The following LACTB variants were observed in gnomAD, a reference collection of about 807,000 sequenced individuals.
LACTB encodes serine beta-lactamase-like protein LACTB, mitochondrial.
In LACTB, 35 loss-of-function variants were observed where a neutral mutation model predicts 50.2. That is an observed-to-expected ratio of 0.70 (90% confidence interval 0.53 to 0.92). LACTB has a LOEUF of 0.92. Among genes scored for constraint, LACTB ranks in the 40% least tolerant of loss-of-function variants. The pLI, the probability that LACTB is intolerant of heterozygous loss-of-function variation, is 0.00. For synonymous variants in LACTB, 252 were observed against 268.2 expected, an observed-to-expected ratio of 0.94 and a Z score of 0.59; for missense variants, 664 against 691.8, an observed-to-expected ratio of 0.96 and a Z score of 0.45.
In LACTB at chr15:63,139,868, C is replaced by T. The variant is rs573611130; in HGVS notation, c.1119-1412C>T. Among the ~76,000 whole-genome samples, 28 of 150,438 alleles carry T rather than the reference C, an allele frequency of 1.9e-4. 1 individual carries two copies. Among genetic ancestry groups the T allele is most frequent in the African/African-American group, 5.9e-4 (24 of 40,804 alleles). ...ATCCCAGCACTTTGGGAGGCAGAGGCGAGTGGATTGCTTGAGGCCAGGAGT... is the reference window on the plus strand; with the variant it reads ...ATCCCAGCACTTTGGGAGGCAGAGGTGAGTGGATTGCTTGAGGCCAGGAGT... On this transcript the variant is annotated intron_variant, in intron 5 of 5. Transcript: ENST00000261893.
In LACTB at chr15:63,141,385, G is replaced by A. The variant is rs146169470; in HGVS notation, c.1224G>A (p.Leu408=). The stretch of plus-strand genomic sequence containing the variant: ...TTCTGTCTACAGTGGGTGACCTTCT[G>A]AAATTTGGGAATGCAATGCTTTATG... ...GGFLSTVGDL[L]KFGNAMLYGY... is the part of the protein sequence containing the mutation. The change falls in exon 6 of 6, where the codon CTG becomes CTA. Residue 408 remains leucine, a synonymous_variant. Transcript: ENST00000261893. 62 of 1,614,072 alleles carry A rather than the reference G, an allele frequency of 3.8e-5. No individual in the cohort carries two copies. Among genetic ancestry groups the A allele is most frequent in the Non-Finnish European group, 5.2e-5 (61 of 1,180,048 alleles).
chr15:63,122,293 G>T, intron 1 of LACTB, 65 bp downstream of exon 1: 1 of 1,359,786 alleles, frequency 7.4e-7, no homozygotes, highest in Admixed American at 2.7e-5. Flanking sequence ...GTGCTGTCGG[G>T]GGCTGAGTGG....
Position 63,129,522 on chromosome 15 carries a change from A to T in LACTB, c.990A>T (p.Leu330=). The change falls in exon 5 of 6, where the codon CTA becomes CTT. Residue 330 remains leucine, a synonymous_variant. Transcript: ENST00000261893. ...TGTATTCAACTTTTGGCTATACCCT[A>T]CTGGCAGCCATAGTAGAGAGAGCTT... The part of the protein sequence containing the change: ...QFLYSTFGYT[L]LAAIVERASG... The T allele has an allele frequency of 7.5e-6, 12 of 1,610,374 alleles. No homozygotes were observed. The highest frequency in any genetic ancestry group is 1.0e-5 in the Non-Finnish European group (12 of 1,178,328).
In LACTB at chr15:63,123,829, A is replaced by G. The variant is rs1248323860; in HGVS notation, c.424+1127A>G. Among the ~76,000 whole-genome samples the G allele has an allele frequency of 3.9e-5, 6 of 152,352 alleles. No individual in the cohort carries two copies. The East Asian group carries it at 1.2e-3, about 29-fold the overall frequency. ...TTGACTACTGCTATCTAGAAGGCAG[A>G]GCCAGGTGTACAGGATGGAACATGA... is the stretch of plus-strand genomic sequence containing the variant. On this transcript the variant is annotated intron_variant, in intron 2 of 5. Transcript: ENST00000261893.
chr15:63,134,571 A>G (rs1310673350), intron 5 of LACTB, among the ~76,000 whole-genome samples: 1 of 152,210 alleles, frequency 6.6e-6, no homozygotes, highest in Non-Finnish European at 1.5e-5. Context: ...TAAGGTCTCC[A>G]GACTTGCAAG....
rs991619952 is a variant in LACTB at position 63,141,764 on chromosome 15, T to G, written c.1603T>G (p.Leu535Val). Reference protein sequence around the residue: ...MQSVGLNSTALKIALEFDKDR... With the variant: ...MQSVGLNSTAVKIALEFDKDR... ...ATCTGTTGGCCTCAATAGCACCGCT[T>G]TGAAGATTGCCCTTGAATTTGATAA... is the stretch of plus-strand genomic sequence containing the variant. Residue 535 changes from leucine (L) to valine (V), a missense_variant, in exon 6 of 6, where the codon TTG becomes GTG. Coordinates refer to ENST00000261893, the MANE Select transcript of LACTB (RefSeq NM_032857.5). 6.2e-7 allele frequency: 1 copy of G among 1,613,812 alleles called. No homozygotes were observed. The highest frequency in any genetic ancestry group is 1.3e-5 in the African/African-American group (1 of 75,066).
intron 5 of LACTB, among the ~76,000 whole-genome samples, chr15:63,134,139 A>G (rs1282905328): frequency 2.6e-5 from 4 of 151,998 alleles, no homozygotes; most frequent in Admixed American, 2.0e-4. Context: ...TCTTCATACC[A>G]TAGTGGTTTT....
intron 5 of LACTB, among the ~76,000 whole-genome samples, chr15:63,132,083 A>G (rs2037138321): frequency 6.6e-6 from 1 of 152,164 alleles, no homozygotes; most frequent in Non-Finnish European, 1.5e-5. Flanking sequence ...TTCAGGGTGT[A>G]CATGTGCAGG....
At chr15:63,137,372 A>G (rs1392975103) in intron 5 of LACTB, among the ~76,000 whole-genome samples, 1 of 152,246 alleles carries the variant, frequency 6.6e-6, no homozygotes, top group Non-Finnish European at 1.5e-5. Flanking sequence ...TGTGTTTGGC[A>G]CAATGTTTGC....
chr15:63,122,374 C>A, intron 1 of LACTB, 146 bp downstream of exon 1: 1 of 794,132 alleles, frequency 1.3e-6, no homozygotes, highest in Non-Finnish European at 1.9e-6. Context: ...CACCGCCGAG[C>A]CGTGGTCAGA....
rs767379939 is a variant in LACTB, at chr15:63,127,054, T to A, written c.615+5T>A. 1.5e-5 allele frequency: 24 copies of A among 1,573,434 alleles called. No homozygotes were observed. Among genetic ancestry groups the A allele is most frequent in the Non-Finnish European group, 2.1e-5 (24 of 1,153,708 alleles). Reference sequence around the variant, plus strand: ...AAAGAATATGAAGGTGAAAAGGTACTGAAACTCACAGTTCATTTTACTAAT... The same window carrying A: ...AAAGAATATGAAGGTGAAAAGGTACAGAAACTCACAGTTCATTTTACTAAT... On this transcript the variant is annotated splice_donor_5th_base_variant and intron_variant, in intron 3 of 5. Transcript: ENST00000261893.
chr15:63,124,807 A>T (rs1344532887), intron 2 of LACTB, among the ~76,000 whole-genome samples: 2 of 152,118 alleles, frequency 1.3e-5, no homozygotes, highest in African/African-American at 4.8e-5. Flanking sequence ...ACAAAAAATT[A>T]GCCAGCCATG....
chr15:63,141,988 C>A lies in LACTB; in HGVS notation c.*183C>A. ...TATTGTAGAATTGGTTCTTTATACTCAGGGAAGTAATTATATTGTTTTTAC... is the reference window on the plus strand; with the variant it reads ...TATTGTAGAATTGGTTCTTTATACTAAGGGAAGTAATTATATTGTTTTTAC... On this transcript the variant is annotated 3_prime_UTR_variant, in exon 6 of 6. Transcript: ENST00000261893. 1 of 540,404 alleles carries A rather than the reference C, an allele frequency of 1.9e-6. No individual in the cohort carries two copies. Among genetic ancestry groups the A allele is most frequent in the Non-Finnish European group, 3.2e-6 (1 of 309,744 alleles). The allele number at this position is 540,404 out of a possible 1,614,324, so 33.5% of individuals were successfully genotyped here.
At chr15:63,131,342 T>C (rs2037130860) in intron 5 of LACTB, 1 of 152,228 alleles carries the variant, frequency 6.6e-6, no homozygotes, top group East Asian at 1.9e-4. Flanking sequence ...CATACCAGTA[T>C]GCACTCATGG....
At chr15:63,135,195 G>A (rs9302231) in intron 5 of LACTB, among the ~76,000 whole-genome samples, 111,574 of 151,924 alleles carry the variant, frequency 0.73, 41,556 homozygotes, top group East Asian at 1. Context: ...TTTTAGCTTT[G>A]TGTTCTTATC....
intron 5 of LACTB, among the ~76,000 whole-genome samples, chr15:63,137,538 T>C (rs908168403): frequency 6.6e-6 from 1 of 152,242 alleles, no homozygotes; most frequent in African/African-American, 2.4e-5. Context: ...ACGTGAGATG[T>C]TTTGATACAG....
In LACTB at chr15:63,126,916, G is replaced by A. The variant is rs1318554352; in HGVS notation, c.482G>A (p.Arg161Gln). ...CCATGTAAACCAGAGACAGTTATGC[G>A]AATTGCTAGCATCAGCAAAAGTCTC... ...RVPCKPETVM[R>Q]IASISKSLTM... The change falls in exon 3 of 6, where the codon CGA becomes CAA. Residue 161 changes from arginine to glutamine, a missense_variant. Coordinates refer to ENST00000261893, the MANE Select transcript of LACTB (RefSeq NM_032857.5). The A allele has an allele frequency of 1.9e-6, 3 of 1,613,024 alleles. No individual in the cohort carries two copies. The highest frequency in any genetic ancestry group is 1.7e-5 in the Admixed American group (1 of 59,850).
At chr15:63,139,194 C>CAAAAAA (rs57605763) in intron 5 of LACTB, among the ~76,000 whole-genome samples, 15 of 17,028 alleles carry the variant, frequency 8.8e-4, no homozygotes, top group Non-Finnish European at 1.7e-3. Flanking sequence ...ACTAAAAATC[C>CAAAAAA]AAAAAAAAAA....
chr15:63,126,043 T>C (rs1411173438), intron 2 of LACTB: 1 of 152,128 alleles, frequency 6.6e-6, no homozygotes, highest in Non-Finnish European at 1.5e-5. Flanking sequence ...GGAAACCAAA[T>C]TTAAAATTTT....
Sources: gnomAD v4.1 joint callset for allele counts (sites outside exome capture counted in the v4.1 genomes callset) on GRCh38, gnomAD v4.1.1 for gene constraint, MANE v1.5 for transcripts, NCBI Gene and HGNC (gene_info 2026-07-23, HGNC 2026-07-21) for gene names.